Variants in SLC1A1 observed in about 807,000 individuals in gnomAD.
SLC1A1 encodes excitatory amino acid transporter 3.
Under a neutral mutation model 53.3 loss-of-function variants are expected in SLC1A1, and 43 were observed. That is an observed-to-expected ratio of 0.81 (90% confidence interval 0.63 to 1.04). The LOEUF (loss-of-function observed/expected upper bound fraction) is 1.04, where lower values mean the gene tolerates loss of function less well. Ranked by LOEUF, SLC1A1 falls within the 50% of genes least tolerant of loss-of-function variation. The probability of loss-of-function intolerance (pLI) is 0.00; values close to 1 mark genes in which losing one functional copy is unlikely to be tolerated. For synonymous variants in SLC1A1, 307 were observed against 243.2 expected (o/e 1.26, Z -2.44); for missense variants, 748 against 664.9 (o/e 1.12, Z -1.37).
intron 4 of SLC1A1, among the ~76,000 whole-genome samples, 188 bp downstream of exon 4, chr9:4,564,646 GAGGGAAGGGAAGAAACAGGCTTCCGCATC>G (rs1289718947): frequency 2.6e-5 from 4 of 152,304 alleles, no homozygotes; most frequent in African/African-American, 9.6e-5. Context: ...TTGGTTCCAA[GAGGGAAGGGAAGAAACAGGCTTCCGCATC>G]AGGATTTAGG....
intron 1 of SLC1A1, among the ~76,000 whole-genome samples, chr9:4,516,168 A>G (rs555888511): frequency 1.3e-5 from 2 of 152,336 alleles, no homozygotes; most frequent in East Asian, 3.9e-4. Flanking sequence ...AAAACAGATC[A>G]TTCTGACTTC....
chr9:4,507,109 C>T (rs919407461), intron 1 of SLC1A1, among the ~76,000 whole-genome samples: 10 of 152,118 alleles, frequency 6.6e-5, no homozygotes, highest in Admixed American at 5.2e-4. Flanking sequence ...TGGTGGGCAC[C>T]TGTAGTCCCA....
chr9:4,536,761 T>G (rs1305635963), intron 1 of SLC1A1, among the ~76,000 whole-genome samples: 1 of 152,168 alleles, frequency 6.6e-6, no homozygotes, highest in African/African-American at 2.4e-5. Context: ...TATTGCAGCA[T>G]TATTCACAAT....
intron 2 of SLC1A1, among the ~76,000 whole-genome samples, chr9:4,552,969 A>G (rs61324496): frequency 0.015 from 2,267 of 152,100 alleles, 62 homozygotes; most frequent in African/African-American, 0.052. Context: ...AACAATATAA[A>G]AAGACTTGCT....
At chr9:4,540,847 A>T (rs1008042666) in intron 1 of SLC1A1, among the ~76,000 whole-genome samples, 28 of 152,232 alleles carry the variant, frequency 1.8e-4, no homozygotes, top group African/African-American at 6.5e-4. Context: ...TGAGGACATC[A>T]AGGCTCAGAG....
At chr9:4,554,871 T>A (rs17756747) in intron 2 of SLC1A1, among the ~76,000 whole-genome samples, 6,287 of 152,322 alleles carry the variant, frequency 0.041, 203 homozygotes, top group South Asian at 0.06. Context: ...GTTGAATACC[T>A]TCCATCTGCT....
intron 6 of SLC1A1, among the ~76,000 whole-genome samples, chr9:4,571,028 A>G (rs1819985323): frequency 6.6e-6 from 1 of 152,214 alleles, no homozygotes; most frequent in Non-Finnish European, 1.5e-5. Context: ...GTACATATAT[A>G]CCATGGAATG....
chr9:4,557,838 TAAG>T (rs1818566159), intron 2 of SLC1A1, among the ~76,000 whole-genome samples: 2 of 152,128 alleles, frequency 1.3e-5, no homozygotes, highest in African/African-American at 4.8e-5. Flanking sequence ...GAATAGTGGT[TAAG>T]AATATGGCCT....
chr9:4,490,944 C>A, intron 1 of SLC1A1, among the ~76,000 whole-genome samples, 174 bp downstream of exon 1: 1 of 152,234 alleles, frequency 6.6e-6, no homozygotes, highest in East Asian at 1.9e-4. Flanking sequence ...GCTCTAATTA[C>A]TGCACACCAA....
rs796104792 is a variant in SLC1A1 at position 4,518,368 on chromosome 9, G to GT, written c.92-26189dup. ...ACTGCATGGGGTTTTTTGTGGTTTT[G>GT]TTTTTTTTTTGTTTTTGAGATAAGG... On this transcript the variant is annotated intron_variant, in intron 1 of 11. Coordinates refer to ENST00000262352, the MANE Select transcript of SLC1A1 (RefSeq NM_004170.6). Among the ~76,000 whole-genome samples, 140 of 143,296 alleles carry GT rather than the reference G, an allele frequency of 9.8e-4. 2 individuals carry two copies. The highest frequency in any genetic ancestry group is 5.1e-3 in the South Asian group (23 of 4,494). 94.0% of individuals were successfully genotyped at this position (143,296 alleles called of 152,430 possible).
At chr9:4,548,687 T>C (rs575836947) in intron 2 of SLC1A1, among the ~76,000 whole-genome samples, 2 of 152,334 alleles carry the variant, frequency 1.3e-5, no homozygotes, top group Non-Finnish European at 2.9e-5. Flanking sequence ...TTAATGATTT[T>C]GTTAGAGATG....
At chr9:4,582,692 A>G (rs1274368520) in intron 10 of SLC1A1, among the ~76,000 whole-genome samples, 1 of 152,204 alleles carries the variant, frequency 6.6e-6, no homozygotes, top group Non-Finnish European at 1.5e-5. Context: ...TGAGTACACG[A>G]AGCCTCCTAT....
chr9:4,496,766 G>A (rs1038183200), intron 1 of SLC1A1, among the ~76,000 whole-genome samples: 1 of 152,040 alleles, frequency 6.6e-6, no homozygotes, highest in Non-Finnish European at 1.5e-5. Context: ...GCACGATGGT[G>A]CGTGCCTGTG....
chr9:4,555,233 T>A (rs530082587), intron 2 of SLC1A1, among the ~76,000 whole-genome samples: 3 of 152,254 alleles, frequency 2.0e-5, no homozygotes, highest in African/African-American at 7.2e-5. Context: ...TATGCAACAA[T>A]GAGTTTCTTG....
Position 4,528,950 on chromosome 9 carries a change from T to C in SLC1A1, c.92-15617T>C, listed in dbSNP as rs547856931. Among the ~76,000 whole-genome samples the C allele has an allele frequency of 6.4e-4, 98 of 152,244 alleles. 2 individuals carry two copies. In the South Asian group the frequency reaches 0.02, roughly 31 times the overall value. On this transcript the variant is annotated intron_variant, in intron 1 of 11. Coordinates refer to ENST00000262352, the MANE Select transcript of SLC1A1 (RefSeq NM_004170.6). ...TTAGAACTATCCATATTACCCACTT[T>C]GGTAGGTATCACCATCCACCCTGTT...
intron 1 of SLC1A1, among the ~76,000 whole-genome samples, chr9:4,498,552 A>G (rs1247183142): frequency 6.6e-6 from 1 of 151,516 alleles, no homozygotes; most frequent in Non-Finnish European, 1.5e-5. Context: ...AAAAAAAAGC[A>G]TAGTTATTCA....
rs933626388 is a variant in SLC1A1 at position 4,501,245 on chromosome 9, G to T, written c.91+10475G>T. On this transcript the variant is annotated intron_variant, in intron 1 of 11. Coordinates refer to ENST00000262352, the MANE Select transcript of SLC1A1 (RefSeq NM_004170.6). ...GTCACCCAGGCTGGAGTGTAGTAGTGTGATCTCGGCAACTGCAACCTCCAC... is the reference window on the plus strand; with the variant it reads ...GTCACCCAGGCTGGAGTGTAGTAGTTTGATCTCGGCAACTGCAACCTCCAC... Among the ~76,000 whole-genome samples, 9 of 151,488 alleles carry T rather than the reference G, an allele frequency of 5.9e-5. 1 individual carries two copies. Among genetic ancestry groups the T allele is most frequent in the African/African-American group, 2.2e-4 (9 of 40,852 alleles).
chr9:4,562,196 C>T (rs1256897578), intron 3 of SLC1A1, among the ~76,000 whole-genome samples: 9 of 151,700 alleles, frequency 5.9e-5, no homozygotes, highest in South Asian at 4.2e-4. Context: ...CTCAGCCTCC[C>T]GAGTAGCTGG....
intron 1 of SLC1A1, among the ~76,000 whole-genome samples, chr9:4,536,679 A>C (rs1319277542): frequency 1.3e-5 from 2 of 152,230 alleles, no homozygotes; most frequent in Non-Finnish European, 2.9e-5. Context: ...TTGACCTGGC[A>C]ATCCCATTAC....
Sources: gnomAD v4.1 joint callset for allele counts (sites outside exome capture counted in the v4.1 genomes callset) on GRCh38, gnomAD v4.1.1 for gene constraint, MANE v1.5 for transcripts, NCBI Gene and HGNC (gene_info 2026-07-23, HGNC 2026-07-21) for gene names.